CNTNAP5: variants seen among roughly 807,000 people sequenced by gnomAD.
CNTNAP5 encodes contactin associated protein family member 5.
Under a neutral mutation model 150.2 loss-of-function variants are expected in CNTNAP5, and 72 were observed. The observed-to-expected ratio is 0.48, with a 90% CI of 0.40 to 0.58. The LOEUF (loss-of-function observed/expected upper bound fraction) is 0.58. Among genes scored for constraint, CNTNAP5 ranks in the 20% least tolerant of loss-of-function variants. The pLI is 0.00. For missense variants in CNTNAP5, 1,636 were observed against 1,626.2 expected, an observed-to-expected ratio of 1.01 and a Z score of -0.10; for synonymous variants, 672 against 619.8, an observed-to-expected ratio of 1.08 and a Z score of -1.25.
chr2:124,454,443 A>C (rs544530472), intron 6 of CNTNAP5, among the ~76,000 whole-genome samples: 29 of 152,308 alleles, frequency 1.9e-4, no homozygotes, highest in Middle Eastern at 3.4e-3. Flanking sequence ...CAGCTAAATA[A>C]TAGTGGGGGA....
chr2:124,430,597 G>T (rs942037558), intron 4 of CNTNAP5, among the ~76,000 whole-genome samples: 4 of 152,184 alleles, frequency 2.6e-5, no homozygotes, highest in African/African-American at 9.7e-5. Flanking sequence ...AATTATCAGG[G>T]CAAAGGAAGT....
rs1694540254 is a variant in CNTNAP5 at position 124,510,306 on chromosome 2, T to TATCTATATAG, written c.1327+5752_1327+5753insCTATATAGAT. On this transcript the variant is annotated intron_variant, in intron 8 of 23. Transcript: ENST00000682447. ...ATATCTATATATCTATATATCTATATATATATCTATATATCTATCTATATA... is the reference window on the plus strand; with the variant it reads ...ATATCTATATATCTATATATCTATATATCTATATAGATATATCTATATATCTATCTATATA... Among the ~76,000 whole-genome samples, 2 of 92,328 alleles carry TATCTATATAG rather than the reference T, an allele frequency of 2.2e-5. 1 individual carries two copies. The highest frequency in any genetic ancestry group is 9.6e-5 in the African/African-American group (2 of 20,780). 60.6% of individuals were successfully genotyped at this position (92,328 alleles called of 152,430 possible).
intron 1 of CNTNAP5, among the ~76,000 whole-genome samples, chr2:124,039,548 T>A (rs1469916340): frequency 6.6e-6 from 1 of 152,152 alleles, no homozygotes; most frequent in African/African-American, 2.4e-5. Context: ...TGTTAAGTAA[T>A]GTGAGTAGAA....
intron 10 of CNTNAP5, among the ~76,000 whole-genome samples, chr2:124,555,149 C>A (rs1695720700): frequency 6.6e-6 from 1 of 152,076 alleles, no homozygotes; most frequent in Non-Finnish European, 1.5e-5. Flanking sequence ...GTGAAAATTA[C>A]AACACACAGA....
chr2:124,297,814 TTA>T (rs1268892149), intron 3 of CNTNAP5, among the ~76,000 whole-genome samples: 894 of 15,402 alleles, frequency 0.058, 18 homozygotes, highest in African/African-American at 0.16. Context: ...CAATTATTTA[TTA>T]TTATTATTAT....
intron 3 of CNTNAP5, among the ~76,000 whole-genome samples, chr2:124,389,548 A>G (rs1691056016): frequency 6.6e-6 from 1 of 152,242 alleles, no homozygotes; most frequent in Non-Finnish European, 1.5e-5. Flanking sequence ...TGAGTTAATT[A>G]TTCACATAGT....
At chr2:124,317,866 T>A in intron 3 of CNTNAP5, among the ~76,000 whole-genome samples, 1 of 152,270 alleles carries the variant, frequency 6.6e-6, no homozygotes. Flanking sequence ...ATTATTATAT[T>A]CCAGAACTTT....
At chr2:124,091,596 G>A (rs1414903576) in intron 1 of CNTNAP5, among the ~76,000 whole-genome samples, 1 of 152,160 alleles carries the variant, frequency 6.6e-6, no homozygotes, top group Non-Finnish European at 1.5e-5. Context: ...TCCAATAACT[G>A]TGAGTTTATA....
intron 5 of CNTNAP5, among the ~76,000 whole-genome samples, chr2:124,436,434 A>C (rs1692533331): frequency 6.6e-6 from 1 of 152,128 alleles, no homozygotes; most frequent in African/African-American, 2.4e-5. Flanking sequence ...ATTATGGTGG[A>C]TGTCTTCTGA....
At chr2:124,099,860 G>T (rs1460975680) in intron 1 of CNTNAP5, among the ~76,000 whole-genome samples, 1 of 151,984 alleles carries the variant, frequency 6.6e-6, no homozygotes, top group African/African-American at 2.4e-5. Flanking sequence ...ACAAGAACAG[G>T]ACCAAATGGT....
intron 3 of CNTNAP5, among the ~76,000 whole-genome samples, chr2:124,334,914 C>T (rs1689434790): frequency 6.6e-6 from 1 of 151,898 alleles, no homozygotes; most frequent in Non-Finnish European, 1.5e-5. Context: ...TTTATTCCAA[C>T]AGAGACTCAA....
chr2:124,361,465 G>A (rs1014777596), intron 3 of CNTNAP5, among the ~76,000 whole-genome samples: 8 of 144,364 alleles, frequency 5.5e-5, no homozygotes, highest in Non-Finnish European at 9.2e-5. Flanking sequence ...CTTTGATGAT[G>A]GTGATGTACA....
intron 3 of CNTNAP5, among the ~76,000 whole-genome samples, chr2:124,344,128 A>C (rs989283167): frequency 1.3e-5 from 2 of 152,204 alleles, no homozygotes; most frequent in Non-Finnish European, 2.9e-5. Context: ...AAACACATTG[A>C]AGATCGAATT....
intron 1 of CNTNAP5, among the ~76,000 whole-genome samples, chr2:124,182,963 TTTC>T (rs1421193234): frequency 6.6e-6 from 1 of 152,188 alleles, no homozygotes; most frequent in Non-Finnish European, 1.5e-5. Context: ...TGACAGCATT[TTTC>T]TTCTTCATTC....
chr2:124,633,393 TCAG>T (rs1677904136), intron 12 of CNTNAP5, among the ~76,000 whole-genome samples: 1 of 152,172 alleles, frequency 6.6e-6, no homozygotes, highest in Admixed American at 6.5e-5. Flanking sequence ...ACCATGAAAC[TCAG>T]CAGGGCAGTC....
chr2:124,705,692 T>C (rs1679622336), intron 13 of CNTNAP5, among the ~76,000 whole-genome samples: 1 of 150,754 alleles, frequency 6.6e-6, no homozygotes, highest in African/African-American at 2.4e-5. Context: ...GATTTTTTAA[T>C]AGCAAAGAGA....
intron 21 of CNTNAP5, among the ~76,000 whole-genome samples, chr2:124,871,617 C>T (rs974855289): frequency 6.6e-6 from 1 of 152,086 alleles, no homozygotes; most frequent in Non-Finnish European, 1.5e-5. Context: ...CATCAGTGTC[C>T]TCTTGTTTTC....
intron 13 of CNTNAP5, among the ~76,000 whole-genome samples, chr2:124,741,441 TTTGAA>T (rs1325495955): frequency 6.6e-6 from 1 of 152,196 alleles, no homozygotes; most frequent in Admixed American, 6.5e-5. Context: ...AGATCTCCAG[TTTGAA>T]TTATGTTCAA....
At chr2:124,648,645 C>T (rs1214978063) in intron 13 of CNTNAP5, among the ~76,000 whole-genome samples, 1 of 151,822 alleles carries the variant, frequency 6.6e-6, no homozygotes, top group Non-Finnish European at 1.5e-5. Context: ...GGAAAAAAAA[C>T]AAAACAAAAC....
Sources: allele counts gnomAD v4.1 joint callset (sites outside exome capture counted in the v4.1 genomes callset), GRCh38; gene constraint gnomAD v4.1.1; transcripts MANE v1.5; gene names NCBI Gene and HGNC (gene_info 2026-07-23, HGNC 2026-07-21).